Variants in TLE4 observed in about 807,000 individuals in gnomAD.
TLE4 encodes TLE family member 4, transcriptional corepressor, also known as transducin-like enhancer protein 4.
A neutral mutation model predicts 92.8 loss-of-function variants in TLE4; 8 were observed. That is an observed-to-expected ratio of 0.09 (90% confidence interval 0.05 to 0.16). The LOEUF is 0.16. Among genes scored for constraint, TLE4 ranks in the 10% least tolerant of loss-of-function variants. TLE4 has a pLI of 1.00. For synonymous variants in TLE4, 371 were observed against 374.1 expected (o/e 0.99, Z 0.10); for missense variants, 675 against 997.6 (o/e 0.68, Z 4.36).
chr9:79,573,588 G>A (rs925024295), intron 1 of TLE4, 101 bp from the exon 2 acceptor site: 2 of 983,464 alleles, frequency 2.0e-6, no homozygotes, highest in African/African-American at 3.3e-5. Context: ...TTGCGTGCGC[G>A]ATGACCCTCA....
At chr9:79,591,095 A>G (rs886819016) in intron 4 of TLE4, among the ~76,000 whole-genome samples, 1 of 152,202 alleles carries the variant, frequency 6.6e-6, no homozygotes, top group African/African-American at 2.4e-5. Context: ...GCAGTTAGGA[A>G]AGGTAGGAGG....
chr9:79,650,898 T>C (rs1042880470), intron 6 of TLE4, among the ~76,000 whole-genome samples: 2 of 152,130 alleles, frequency 1.3e-5, no homozygotes, highest in African/African-American at 4.8e-5. Flanking sequence ...CTTGGACTTT[T>C]GTAGTCAAAC....
intron 6 of TLE4, among the ~76,000 whole-genome samples, chr9:79,630,750 T>C (rs1321717175): frequency 1.3e-5 from 2 of 152,228 alleles, no homozygotes; most frequent in African/African-American, 4.8e-5. Flanking sequence ...CTTAAAATGC[T>C]TTTTAAATCT....
intron 1 of TLE4, 79 bp from the exon 2 acceptor site, chr9:79,573,610 C>A (rs2036640212): frequency 1.6e-6 from 2 of 1,226,452 alleles, no homozygotes; most frequent in African/African-American, 1.5e-5. Context: ...CCCCCGCTAA[C>A]GCCGCATAGT....
At chr9:79,624,972 T>G (rs1040688778) in intron 5 of TLE4, among the ~76,000 whole-genome samples, 1 of 151,954 alleles carries the variant, frequency 6.6e-6, no homozygotes, top group Non-Finnish European at 1.5e-5. Context: ...GTCCTTTGTT[T>G]CAGTTCCGAA....
intron 12 of TLE4, 79 bp from the exon 13 acceptor site, chr9:79,708,514 A>G (rs1230537140): frequency 3.0e-6 from 4 of 1,352,202 alleles, no homozygotes; most frequent in African/African-American, 2.9e-5. Context: ...CATAGATTCT[A>G]TTTTGTGACA....
intron 8 of TLE4, among the ~76,000 whole-genome samples, chr9:79,681,423 T>C (rs1363456108): frequency 6.6e-6 from 1 of 152,142 alleles, no homozygotes; most frequent in Non-Finnish European, 1.5e-5. Flanking sequence ...GGTAAAGAGC[T>C]CTTCACATAC....
chr9:79,646,085 A>ATT (rs999243161), intron 6 of TLE4, among the ~76,000 whole-genome samples: 9 of 146,780 alleles, frequency 6.1e-5, no homozygotes, highest in South Asian at 2.1e-4. Context: ...ATATATATAT[A>ATT]TTTTTTTTAA....
rs377235726 is a variant in TLE4 at position 79,630,871 on chromosome 9, AG to A, written c.390+3424del. 6.6e-5 allele frequency among the ~76,000 whole-genome samples: 10 copies of A among 152,300 alleles called. No homozygotes were observed. In the East Asian group the frequency reaches 1.5e-3, roughly 24 times the overall value. On this transcript the variant is annotated intron_variant, in intron 6 of 19. Transcript: ENST00000376552. ...CAAAGAAACTACCATTAAGAAAAAA[AG>A]TTTAGTCAGTGTGAATAGTGGAAAA...
At chr9:79,623,673 C>T (rs1306275159) in intron 5 of TLE4, among the ~76,000 whole-genome samples, 2 of 146,566 alleles carry the variant, frequency 1.4e-5, no homozygotes, top group African/African-American at 2.5e-5. Flanking sequence ...TTTACAGAGT[C>T]GTATAACCAT....
chr9:79,684,950 G>T (rs2065516225), intron 8 of TLE4, among the ~76,000 whole-genome samples: 1 of 152,196 alleles, frequency 6.6e-6, no homozygotes, highest in Admixed American at 6.5e-5. Flanking sequence ...GTAAAGGAAA[G>T]TCTGCCCAAG....
intron 5 of TLE4, among the ~76,000 whole-genome samples, chr9:79,614,827 G>A (rs949862226): frequency 6.6e-6 from 1 of 151,990 alleles, no homozygotes; most frequent in African/African-American, 2.4e-5. Context: ...ATCAGTTATC[G>A]TTAGTGTATT....
At chr9:79,697,226 C>A (rs7039183) in intron 8 of TLE4, among the ~76,000 whole-genome samples, 1 of 152,016 alleles carries the variant, frequency 6.6e-6, no homozygotes, top group African/African-American at 2.4e-5. Context: ...TTGAAAAGTG[C>A]GAAATGACTT....
intron 8 of TLE4, 167 bp from the exon 9 acceptor site, chr9:79,704,616 C>A: frequency 2.5e-6 from 2 of 813,078 alleles, no homozygotes; most frequent in Non-Finnish European, 3.7e-6. Context: ...CCCTTTATAT[C>A]CCTGTTTTCT....
chr9:79,624,119 T>G (rs997882304), intron 5 of TLE4, among the ~76,000 whole-genome samples: 1 of 148,452 alleles, frequency 6.7e-6, no homozygotes, highest in Non-Finnish European at 1.5e-5. Context: ...TCTAAGAAGA[T>G]GTGAAAAACT....
intron 8 of TLE4, among the ~76,000 whole-genome samples, chr9:79,666,212 T>TG (rs1312688684): frequency 1.6e-4 from 9 of 55,508 alleles, no homozygotes; most frequent in South Asian, 8.0e-4. Flanking sequence ...GGGTTTTTTT[T>TG]TTTTGTTTTT....
rs955467300 is a variant in TLE4, at chr9:79,572,988, C to G, written c.45+153C>G. 3.3e-5 allele frequency among the ~76,000 whole-genome samples: 5 copies of G among 152,112 alleles called. 1 individual carries two copies. Among genetic ancestry groups the G allele is most frequent in the Admixed American group, 3.3e-4 (5 of 15,286 alleles). ...CGGGAGCAGCCCGCCCGCCATCACC[C>G]CCACCCCCCGGCGCGGTGGCCCTCG... On this transcript the variant is annotated intron_variant, in intron 1 of 19. Coordinates refer to ENST00000376552, the MANE Select transcript of TLE4 (RefSeq NM_007005.6).
At chr9:79,601,649 ATG>A in intron 4 of TLE4, 1 of 367,210 alleles carries the variant, frequency 2.7e-6, no homozygotes, top group South Asian at 2.0e-5. Flanking sequence ...AACTTAATTA[ATG>A]TGTGTGTTCT....
intron 8 of TLE4, among the ~76,000 whole-genome samples, chr9:79,697,792 A>G (rs2068669442): frequency 6.6e-6 from 1 of 152,196 alleles, no homozygotes; most frequent in Non-Finnish European, 1.5e-5. Context: ...ATGAATTAAT[A>G]TTGAAGTGCT....
Sources: gnomAD v4.1 joint callset for allele counts (sites outside exome capture counted in the v4.1 genomes callset) on GRCh38, gnomAD v4.1.1 for gene constraint, MANE v1.5 for transcripts, NCBI Gene and HGNC (gene_info 2026-07-23, HGNC 2026-07-21) for gene names.